Variants in TMF1 observed in about 807,000 individuals in gnomAD.
The protein encoded by TMF1 is TATA element modulatory factor 1, also known as TATA element modulatory factor.
Under a neutral mutation model 126.5 loss-of-function variants are expected in TMF1, and 71 were observed. The observed-to-expected ratio is 0.56, with a 90% confidence interval of 0.46 to 0.68. TMF1 has a LOEUF of 0.68. Among genes scored for constraint, TMF1 ranks in the 30% least tolerant of loss-of-function variants. The pLI is 0.00. For synonymous variants in TMF1, 461 were observed against 430.5 expected (o/e 1.07, Z -0.88); for missense variants, 1,259 against 1,253.2 (o/e 1.00, Z -0.07).
chr3:69,041,489 C>A (rs2091864886), intron 5 of TMF1, among the ~76,000 whole-genome samples: 1 of 152,186 alleles, frequency 6.6e-6, no homozygotes, highest in Non-Finnish European at 1.5e-5. Context: ...TACCCTTTCT[C>A]TGGAAATTTA....
chr3:69,050,558 G>A (rs1575822537), intron 1 of TMF1, among the ~76,000 whole-genome samples: 1 of 152,134 alleles, frequency 6.6e-6, no homozygotes, highest in South Asian at 2.1e-4. Context: ...CCATTCTGAA[G>A]ACTATGGGCA....
chr3:69,039,799 T>C (rs2091853546), intron 5 of TMF1, 106 bp from the exon 6 acceptor site: 2 of 1,228,708 alleles, frequency 1.6e-6, no homozygotes, highest in African/African-American at 1.5e-5. Flanking sequence ...TTTTTTAAAT[T>C]ACAATTTTGT....
Position 69,039,476 on chromosome 3 carries a change from C to T in TMF1, c.1827+75G>A. Reference sequence around the variant, plus strand: ...ATACCCCATTAAATCTTTTCAAATGCTCCATAACCATGGCCAACTGTTCAT... The same window carrying T: ...ATACCCCATTAAATCTTTTCAAATGTTCCATAACCATGGCCAACTGTTCAT... On this transcript the variant is annotated intron_variant, in intron 6 of 16. Coordinates refer to ENST00000398559, the MANE Select transcript of TMF1 (RefSeq NM_007114.3). The T allele has an allele frequency of 2.7e-6, 4 of 1,477,588 alleles. 1 individual carries two copies. The South Asian group carries it at 4.0e-5, about 15-fold the overall frequency. 91.5% of individuals were successfully genotyped at this position (1,477,588 alleles called of 1,614,324 possible).
intron 1 of TMF1, 35 bp from the exon 2 acceptor site, chr3:69,048,597 A>T: frequency 6.8e-7 from 1 of 1,480,592 alleles, no homozygotes; most frequent in Admixed American, 2.3e-5. Flanking sequence ...AAAAGAACAC[A>T]TATATGTTAC....
rs116383007 is a variant in TMF1, at chr3:69,049,358, A to G, written c.143-796T>C. Among the ~76,000 whole-genome samples the G allele has an allele frequency of 3.9e-3, 588 of 152,334 alleles. 5 individuals are homozygous for G. Among genetic ancestry groups the G allele is most frequent in the African/African-American group, 0.013 (539 of 41,580 alleles). ...CACTGCACTTCAGCCTGGGTGACAG[A>G]TCGAGAACCTGTCTCGAAAACAAAC... On this transcript the variant is annotated intron_variant, in intron 1 of 16. Coordinates refer to ENST00000398559, the MANE Select transcript of TMF1 (RefSeq NM_007114.3).
Position 69,048,537 on chromosome 3 carries a change from T to A in TMF1, c.168A>T (p.Gly56=). The change falls in exon 2 of 17, where the codon GGA becomes GGT. Residue 56 remains glycine (G), a synonymous_variant. Transcript: ENST00000398559. The part of the protein sequence containing the change: ...EPGISSPVSG[G]WDTSTWGLKS... ...TCAACCCCCAGGTTGAAGTATCCCA[T>A]CCTCCACTGACAGGGGAACTTATTC... 1 of 1,607,274 alleles carries A rather than the reference T, an allele frequency of 6.2e-7. No homozygotes were observed. The highest frequency in any genetic ancestry group is 8.5e-7 in the Non-Finnish European group (1 of 1,176,256).
intron 11 of TMF1, 82 bp downstream of exon 11, chr3:69,029,733 G>A (rs536987957): frequency 7.1e-5 from 96 of 1,352,236 alleles, no homozygotes; most frequent in African/African-American, 4.8e-4. Flanking sequence ...GAGCCACGGC[G>A]CCCGGCCCAA....
rs2091790050 is a variant in TMF1 at position 69,029,888 on chromosome 3, C to T, written c.2521G>A (p.Glu841Lys). 1.9e-6 allele frequency: 3 copies of T among 1,613,956 alleles called. No individual in the cohort carries two copies. The highest frequency in any genetic ancestry group is 2.5e-6 in the Non-Finnish European group (3 of 1,179,992). Residue 841 changes from glutamate (E) to lysine (K), a missense_variant, in exon 11 of 17, where the codon GAA (glutamate) becomes AAA (lysine). Transcript: ENST00000398559. ...MESQNSLLRQ[E>K]NSRFQAQLES... ...AGCTGGGCTTGAAATCTACTGTTTT[C>T]CTGTCTTAAAAGAGAATTCTGTGAC...
chr3:69,042,748 G>A (rs2091874431), intron 5 of TMF1, 59 bp downstream of exon 5: 2 of 1,369,814 alleles, frequency 1.5e-6, no homozygotes, highest in African/African-American at 1.4e-5. Flanking sequence ...CTAGTTATGT[G>A]GCAAGTACTT....
rs374312951 is a variant in TMF1, at chr3:69,037,754, T to C, written c.2151+810A>G. Among the ~76,000 whole-genome samples, 64 of 151,976 alleles carry C rather than the reference T, an allele frequency of 4.2e-4. 2 individuals carry two copies. The South Asian group carries it at 0.012, about 29-fold the overall frequency. ...CCGGGAGGCAGAGGTTGCAGTGAGC[T>C]GAGATCGTGCCACTGTGCTCCAGTC... On this transcript the variant is annotated intron_variant, in intron 8 of 16. Coordinates refer to ENST00000398559, the MANE Select transcript of TMF1 (RefSeq NM_007114.3).
intron 14 of TMF1, 120 bp from the exon 15 acceptor site, chr3:69,025,832 A>G: frequency 8.0e-7 from 1 of 1,243,410 alleles, no homozygotes; most frequent in Non-Finnish European, 1.1e-6. Context: ...AAAGGCAGAA[A>G]ATCATTCACG....
chr3:69,048,514 A>C lies in TMF1; in HGVS notation c.191T>G (p.Leu64Trp), dbSNP rs2091909202. The C allele has an allele frequency of 6.2e-7, 1 of 1,613,596 alleles. No homozygotes were observed. Among genetic ancestry groups the C allele is most frequent in the South Asian group, 1.1e-5 (1 of 91,026 alleles). ...SGGWDTSTWGLKSNTEPQSPP... is the reference protein window; with the variant it reads ...SGGWDTSTWGWKSNTEPQSPP... The stretch of plus-strand genomic sequence containing the variant: ...ACTCTGAGGTTCAGTGTTTGATTTC[A>C]ACCCCCAGGTTGAAGTATCCCATCC... The change falls in exon 2 of 17, where the codon TTG (leucine) becomes TGG (tryptophan). Residue 64 changes from leucine to tryptophan, a missense_variant. By Grantham distance (61) the Leu-to-Trp change is moderately conservative. Coordinates refer to ENST00000398559, the MANE Select transcript of TMF1 (RefSeq NM_007114.3).
intron 15 of TMF1, 65 bp from the exon 16 acceptor site, chr3:69,024,245 T>C: frequency 2.2e-6 from 3 of 1,334,504 alleles, no homozygotes; most frequent in Non-Finnish European, 3.0e-6. Flanking sequence ...CCCAGTAATA[T>C]AAAAATATTT....
At position 69,040,674 on chromosome 3, in the gene TMF1, C is replaced by G. The variant is rs570534509; in HGVS notation, c.1685-981G>C. 2.0e-5 allele frequency among the ~76,000 whole-genome samples: 3 copies of G among 152,268 alleles called. No homozygotes were observed. The East Asian group carries it at 5.8e-4, about 29-fold the overall frequency. ...GGGTGCAGTGGCTCACGCCTGTAAT[C>G]CCAGCACTTTTGGGAAGCAGGCGGA... On this transcript the variant is annotated intron_variant, in intron 5 of 16. Coordinates refer to ENST00000398559, the MANE Select transcript of TMF1 (RefSeq NM_007114.3).
In TMF1 at chr3:69,047,821, A is replaced by G. The variant is rs200396777; in HGVS notation, c.884T>C (p.Leu295Pro). Residue 295 changes from leucine (L) to proline (P), a missense_variant, in exon 2 of 17, where the codon CTT becomes CCT. By Grantham distance (98) the Leu-to-Pro change is moderately conservative (BLOSUM62 -3). Transcript: ENST00000398559. ...SLHLMQTSFQ[L>P]LSASACPEYN... is the part of the protein sequence containing the mutation. ...TTCAGGACAAGCAGATGCAGAGAGAAGCTGAAAAGATGTCTGCATCAAGTG... is the reference window on the plus strand; with the variant it reads ...TTCAGGACAAGCAGATGCAGAGAGAGGCTGAAAAGATGTCTGCATCAAGTG... 612 of 1,614,000 alleles carry G rather than the reference A, an allele frequency of 3.8e-4. No homozygotes were observed. Among genetic ancestry groups the G allele is most frequent in the Non-Finnish European group, 4.7e-4 (553 of 1,180,052 alleles).
At chr3:69,025,091 G>A (rs954683768) in intron 15 of TMF1, 1 of 153,476 alleles carries the variant, frequency 6.5e-6, no homozygotes, top group African/African-American at 2.4e-5. Flanking sequence ...TGTACAGGGT[G>A]TTACAGTTCA....
intron 5 of TMF1, chr3:69,042,448 C>T: frequency 2.1e-6 from 1 of 465,452 alleles, no homozygotes; most frequent in Non-Finnish European, 4.3e-6. Context: ...TCATACAGTA[C>T]TTAAGCTAGG....
At position 69,022,598 on chromosome 3, in the gene TMF1, CTTTAAA is replaced by C. The variant is rs2091745355; in HGVS notation, c.*573_*578del. 6.6e-6 allele frequency: 1 copy of C among 152,386 alleles called. No homozygotes were observed. Among genetic ancestry groups the C allele is most frequent in the African/African-American group, 2.4e-5 (1 of 41,400 alleles). The allele number at this position is 152,386 out of a possible 1,614,324, so 9.4% of individuals were successfully genotyped here. A position where few individuals can be genotyped will look rare whatever the true frequency, so the allele number is the denominator to read the frequency against. On this transcript the variant is annotated 3_prime_UTR_variant, in exon 17 of 17. Coordinates refer to ENST00000398559, the MANE Select transcript of TMF1 (RefSeq NM_007114.3). ...TTTTTTTAAGTTTAAATCATTCACT[CTTTAAA>C]TTTCAGACAGTGTCAGTGTGACTCT...
chr3:69,049,237 G>C (rs556580880), intron 1 of TMF1, among the ~76,000 whole-genome samples: 4 of 152,252 alleles, frequency 2.6e-5, no homozygotes, highest in East Asian at 3.9e-4. Flanking sequence ...AGCTGGGCCT[G>C]GTGGCCCACA....
Sources: gnomAD v4.1 joint callset for allele counts (sites outside exome capture counted in the v4.1 genomes callset) on GRCh38, gnomAD v4.1.1 for gene constraint, MANE v1.5 for transcripts, NCBI Gene and HGNC (gene_info 2026-07-23, HGNC 2026-07-21) for gene names.